The following LRP1B variants were observed in gnomAD, a reference collection of about 807,000 sequenced individuals.
LRP1B encodes the protein low-density lipoprotein receptor-related protein 1B.
In LRP1B, 217 loss-of-function variants were observed where a neutral mutation model predicts 556.6. The ratio of observed to expected loss-of-function variants is 0.39; its 90% CI spans 0.35 to 0.44. LRP1B has a LOEUF of 0.44. LRP1B is among the 20% of genes least tolerant of loss of function. The probability of loss-of-function intolerance (pLI) is 1.00; values close to 1 mark genes in which losing one functional copy is unlikely to be tolerated. For missense variants in LRP1B, 5,053 were observed against 5,620.8 expected, an observed-to-expected ratio of 0.90 and a Z score of 3.23; for synonymous variants, 2,047 against 1,865.8, an observed-to-expected ratio of 1.10 and a Z score of -2.50.
intron 1 of LRP1B, among the ~76,000 whole-genome samples, chr2:142,125,161 C>T (rs1196810623): frequency 6.6e-6 from 1 of 151,616 alleles, no homozygotes; most frequent in Non-Finnish European, 1.5e-5. Context: ...AAAAGGGAGG[C>T]CATCTGATCA....
intron 66 of LRP1B, among the ~76,000 whole-genome samples, chr2:140,434,134 A>T (rs1447348814): frequency 6.6e-6 from 1 of 151,608 alleles, no homozygotes; most frequent in Non-Finnish European, 1.5e-5. Context: ...TAGTGGTGCG[A>T]TCTCTGCTCA....
chr2:141,936,146 A>G (rs1191998993), intron 1 of LRP1B, among the ~76,000 whole-genome samples: 1 of 152,212 alleles, frequency 6.6e-6, no homozygotes, highest in South Asian at 2.1e-4. Context: ...TGTATTCTGT[A>G]TAAGATCAGA....
intron 3 of LRP1B, among the ~76,000 whole-genome samples, chr2:141,334,471 C>A (rs559256720): frequency 1.3e-5 from 2 of 152,248 alleles, no homozygotes; most frequent in Admixed American, 1.3e-4. Flanking sequence ...CTGTGAGTCA[C>A]CTGAACCTCT....
chr2:140,813,569 C>G (rs776250195), intron 32 of LRP1B, 88 bp downstream of exon 32: 8 of 1,121,072 alleles, frequency 7.1e-6, no homozygotes, highest in Non-Finnish European at 9.3e-6. Context: ...GTTAGTGGAG[C>G]AGTAACTTTC....
Position 140,373,103 on chromosome 2 carries a change from A to G in LRP1B, c.10673T>C (p.Phe3558Ser), listed in dbSNP as rs994897547. 1 of 1,613,266 alleles carries G rather than the reference A, an allele frequency of 6.2e-7. No individual in the cohort carries two copies. Among genetic ancestry groups the G allele is most frequent in the Non-Finnish European group, 8.5e-7 (1 of 1,179,516 alleles). Residue 3558 changes from phenylalanine (F) to serine (S), a missense_variant, in exon 69 of 91, where the codon TTC becomes TCC. Phe to Ser is a radical substitution (Grantham distance 155). Coordinates refer to ENST00000389484, the MANE Select transcript of LRP1B (RefSeq NM_018557.3). ...TATACACTGACCATTGGAACACCGG[A>G]ACTGATCTTTGGAACAACTTGTCTC... ...NCETSCSKDQ[F>S]RCSNGQCIPA...
intron 66 of LRP1B, among the ~76,000 whole-genome samples, chr2:140,441,338 C>G (rs1209558332): frequency 6.6e-6 from 1 of 151,990 alleles, no homozygotes; most frequent in Non-Finnish European, 1.5e-5. Context: ...ATAAACTAGC[C>G]CACAAAACTC....
At chr2:140,400,250 A>G (rs1371323734) in intron 66 of LRP1B, among the ~76,000 whole-genome samples, 1 of 152,184 alleles carries the variant, frequency 6.6e-6, no homozygotes, top group Non-Finnish European at 1.5e-5. Flanking sequence ...CAGGCCATTA[A>G]TCACTCCAAA....
chr2:140,372,392 G>T (rs544410562), intron 69 of LRP1B, among the ~76,000 whole-genome samples: 1 of 151,996 alleles, frequency 6.6e-6, no homozygotes, highest in South Asian at 2.1e-4. Flanking sequence ...TGGTTTTATG[G>T]TCATACATAC....
At chr2:140,329,552 G>C (rs566108783) in intron 79 of LRP1B, among the ~76,000 whole-genome samples, 18 of 152,088 alleles carry the variant, frequency 1.2e-4, no homozygotes, top group African/African-American at 4.3e-4. Context: ...GAAAGTCTTA[G>C]GATACCAAAT....
chr2:142,082,960 G>T (rs1235971970), intron 1 of LRP1B, among the ~76,000 whole-genome samples: 1 of 152,100 alleles, frequency 6.6e-6, no homozygotes, highest in East Asian at 1.9e-4. Flanking sequence ...AAGATAAGAA[G>T]AGTGTTTTAA....
At chr2:141,071,138 A>C (rs1165264607) in intron 7 of LRP1B, among the ~76,000 whole-genome samples, 1 of 151,628 alleles carries the variant, frequency 6.6e-6, no homozygotes, top group Non-Finnish European at 1.5e-5. Context: ...CCAGCAGCAC[A>C]TCAAAAAGCT....
chr2:141,624,118 T>C (rs390332), intron 2 of LRP1B, among the ~76,000 whole-genome samples: 143,929 of 150,480 alleles, frequency 0.96, 68,854 homozygotes, highest in East Asian at 0.99. Flanking sequence ...GTAAAGGGTA[T>C]ATGTATATAG....
intron 1 of LRP1B, among the ~76,000 whole-genome samples, chr2:142,043,189 A>ATGGAAAAAT (rs1704122331): frequency 6.6e-6 from 1 of 151,600 alleles, no homozygotes; most frequent in African/African-American, 2.4e-5. Context: ...AATAAAACTG[A>ATGGAAAAAT]TGGAAAAATG....
chr2:140,374,267 A>G (rs1683123723), intron 68 of LRP1B, among the ~76,000 whole-genome samples: 1 of 152,156 alleles, frequency 6.6e-6, no homozygotes, highest in South Asian at 2.1e-4. Context: ...TTTTTGCCAA[A>G]ATGTACTTGT....
intron 1 of LRP1B, among the ~76,000 whole-genome samples, chr2:141,985,019 G>T (rs980679025): frequency 1.3e-5 from 2 of 152,120 alleles, no homozygotes; most frequent in Admixed American, 1.3e-4. Flanking sequence ...CAAATTACCA[G>T]TTAAATGTGA....
intron 3 of LRP1B, among the ~76,000 whole-genome samples, chr2:141,361,237 G>A (rs932643705): frequency 1.3e-5 from 2 of 152,044 alleles, no homozygotes; most frequent in Non-Finnish European, 2.9e-5. Context: ...TTGACATAAG[G>A]AAGTATAGTT....
intron 88 of LRP1B, 32 bp downstream of exon 88, chr2:140,239,410 A>C: frequency 3.6e-6 from 5 of 1,379,342 alleles, no homozygotes; most frequent in Non-Finnish European, 5.0e-6. Context: ...TGATTTATTC[A>C]CTGACTGCTA....
chr2:140,334,414 C>A (rs1477244342), intron 79 of LRP1B, 39 bp downstream of exon 79: 2 of 1,252,448 alleles, frequency 1.6e-6, no homozygotes, highest in African/African-American at 1.5e-5. Context: ...ATATACTTGT[C>A]ATTCTGCTTC....
intron 1 of LRP1B, among the ~76,000 whole-genome samples, chr2:141,895,369 T>A (rs971284985): frequency 1.3e-5 from 2 of 152,170 alleles, no homozygotes; most frequent in African/African-American, 2.4e-5. Context: ...CCTGTTGCCA[T>A]TGAAGCTGTG....
Sources: allele counts gnomAD v4.1 joint callset (sites outside exome capture counted in the v4.1 genomes callset), GRCh38; gene constraint gnomAD v4.1.1; transcripts MANE v1.5; gene names NCBI Gene and HGNC (gene_info 2026-07-23, HGNC 2026-07-21).